Variants in ATP8B4 observed in about 807,000 individuals in gnomAD.
ATP8B4 encodes the protein probable phospholipid-transporting ATPase IM.
A neutral mutation model predicts 145.6 loss-of-function variants in ATP8B4; 133 were observed. That is an observed-to-expected ratio of 0.91 (90% CI 0.79 to 1.05). The LOEUF (loss-of-function observed/expected upper bound fraction) is 1.05, where lower values mean the gene tolerates loss of function less well. Ranked by LOEUF, ATP8B4 falls within the 50% of genes least tolerant of loss-of-function variation. ATP8B4 has a pLI of 0.00. For missense variants in ATP8B4, 1,458 were observed against 1,425.2 expected (o/e 1.02, Z -0.37); for synonymous variants, 507 against 492.9 (o/e 1.03, Z -0.38).
chr15:50,082,578 A>G (rs2054622836), intron 2 of ATP8B4, among the ~76,000 whole-genome samples: 1 of 152,222 alleles, frequency 6.6e-6, no homozygotes, highest in Non-Finnish European at 1.5e-5. Flanking sequence ...TCACAAAGAA[A>G]TGTAAAATTT....
At chr15:49,861,426 C>G (rs8035114) in intron 27 of ATP8B4, among the ~76,000 whole-genome samples, 39,745 of 134,070 alleles carry the variant, frequency 0.3, 6,480 homozygotes, top group Admixed American at 0.39. Context: ...GTGTGTGTGT[C>G]TGTCTGTCTG....
At chr15:50,094,539 T>C (rs1396006333) in intron 2 of ATP8B4, among the ~76,000 whole-genome samples, 2 of 150,444 alleles carry the variant, frequency 1.3e-5, no homozygotes, top group Non-Finnish European at 3.0e-5. Context: ...GACACATACA[T>C]ACATGTATAT....
At chr15:50,059,059 C>T (rs942744393) in intron 3 of ATP8B4, among the ~76,000 whole-genome samples, 6 of 152,036 alleles carry the variant, frequency 3.9e-5, no homozygotes, top group Non-Finnish European at 7.3e-5. Context: ...TTATATCATG[C>T]ACAACGGGTT....
chr15:50,088,841 G>T (rs192452913), intron 2 of ATP8B4, among the ~76,000 whole-genome samples: 1 of 152,312 alleles, frequency 6.6e-6, no homozygotes, highest in East Asian at 1.9e-4. Context: ...TGGATAGATG[G>T]ATGGATGGCT....
chr15:50,090,787 T>C (rs1208211703), intron 2 of ATP8B4, among the ~76,000 whole-genome samples: 1 of 152,174 alleles, frequency 6.6e-6, no homozygotes, highest in East Asian at 1.9e-4. Flanking sequence ...GGGATTTCCC[T>C]GTGTTACCAG....
chr15:49,950,611 C>CAAAAAAAAAAAAAAAAAAAAAAA (rs1316878072), intron 14 of ATP8B4, among the ~76,000 whole-genome samples: 7 of 107,182 alleles, frequency 6.5e-5, no homozygotes, highest in Admixed American at 8.9e-5. Context: ...AACAAACAAA[C>CAAAAAAAAAAAAAAAAAAAAAAA]AAACAAACAA....
At position 50,085,958 on chromosome 15, in the gene ATP8B4, T is replaced by TC. The variant is rs1567331292; in HGVS notation, c.29-11774_29-11773insG. ...ATATTTATATATGATATATATCATA[T>TC]ATATTTATATATGATATATCAAATA... On this transcript the variant is annotated intron_variant, in intron 2 of 27. Coordinates refer to ENST00000284509, the MANE Select transcript of ATP8B4 (RefSeq NM_024837.4). Among the ~76,000 whole-genome samples, 4 of 29,238 alleles carry TC rather than the reference T, an allele frequency of 1.4e-4. 1 individual carries two copies. The highest frequency in any genetic ancestry group is 2.0e-4 in the Non-Finnish European group (4 of 20,092). 19.2% of individuals were successfully genotyped at this position (29,238 alleles called of 152,430 possible).
intron 1 of ATP8B4, among the ~76,000 whole-genome samples, chr15:50,109,347 G>GT (rs2056832566): frequency 6.6e-6 from 1 of 152,126 alleles, no homozygotes; most frequent in Non-Finnish European, 1.5e-5. Context: ...GGACTTTGTT[G>GT]TTTCTTTGTT....
chr15:49,935,359 A>G (rs931973098), intron 14 of ATP8B4, among the ~76,000 whole-genome samples: 3 of 152,104 alleles, frequency 2.0e-5, no homozygotes, highest in Admixed American at 2.0e-4. Context: ...AACCATATAC[A>G]TCCATCAGCC....
chr15:49,871,303 C>G (rs1406983629), intron 25 of ATP8B4, among the ~76,000 whole-genome samples: 1 of 152,146 alleles, frequency 6.6e-6, no homozygotes, highest in Non-Finnish European at 1.5e-5. Context: ...AAGGTTTGTT[C>G]TCATATTTCT....
At chr15:50,112,533 T>C (rs1196415709) in intron 1 of ATP8B4, among the ~76,000 whole-genome samples, 1 of 152,060 alleles carries the variant, frequency 6.6e-6, no homozygotes, top group Non-Finnish European at 1.5e-5. Flanking sequence ...CTCTGTTCCG[T>C]TCGGCTTGCC....
chr15:49,897,954 T>G, intron 22 of ATP8B4, 114 bp downstream of exon 22: 1 of 1,195,624 alleles, frequency 8.4e-7, no homozygotes, highest in South Asian at 1.5e-5. Context: ...TCATTCATTT[T>G]AGAATCACTG....
Position 50,019,314 on chromosome 15 carries a change from TATTG to T in ATP8B4, c.363-8401_363-8398del, listed in dbSNP as rs553266948. ...AGAACCAACCAGCCTTCAGGCAAGA[TATTG>T]ATTGAGACTGGAATTCTCTGCTATG... On this transcript the variant is annotated intron_variant, in intron 6 of 27. Coordinates refer to ENST00000284509, the MANE Select transcript of ATP8B4 (RefSeq NM_024837.4). Among the ~76,000 whole-genome samples the T allele has an allele frequency of 1.4e-4, 22 of 152,300 alleles. No homozygotes were observed. In the East Asian group the frequency reaches 4.0e-3, roughly 28 times the overall value.
chr15:50,027,909 T>A (rs2050135005), intron 6 of ATP8B4, among the ~76,000 whole-genome samples: 1 of 152,216 alleles, frequency 6.6e-6, no homozygotes, highest in Non-Finnish European at 1.5e-5. Flanking sequence ...CTGTATACTG[T>A]TTCACTTGAA....
intron 3 of ATP8B4, among the ~76,000 whole-genome samples, chr15:50,053,722 G>A (rs2052365648): frequency 6.6e-6 from 1 of 152,080 alleles, no homozygotes. Context: ...TGGTGGGGGG[G>A]TGGGGTGAAG....
At chr15:49,983,563 C>T (rs146107861) in intron 10 of ATP8B4, among the ~76,000 whole-genome samples, 35 of 152,264 alleles carry the variant, frequency 2.3e-4, no homozygotes, top group Admixed American at 8.5e-4. Context: ...ATCCACTCTG[C>T]CCCCAAAACT....
At chr15:50,165,933 T>A (rs2044590456) in intron 1 of ATP8B4, among the ~76,000 whole-genome samples, 1 of 147,636 alleles carries the variant, frequency 6.8e-6, no homozygotes, top group Admixed American at 6.8e-5. Flanking sequence ...ATAAAAGATA[T>A]CAAACCATAG....
At chr15:50,083,721 A>G (rs2054708646) in intron 2 of ATP8B4, among the ~76,000 whole-genome samples, 1 of 152,200 alleles carries the variant, frequency 6.6e-6, no homozygotes, top group South Asian at 2.1e-4. Context: ...CTATAAACTG[A>G]GTTTCTTTAA....
intron 6 of ATP8B4, among the ~76,000 whole-genome samples, chr15:50,024,087 C>T (rs909734445): frequency 3.3e-5 from 5 of 152,064 alleles, no homozygotes; most frequent in Admixed American, 6.5e-5. Flanking sequence ...AAAGTAAATT[C>T]CCATAAAAGT....
Sources: allele counts gnomAD v4.1 joint callset (sites outside exome capture counted in the v4.1 genomes callset), GRCh38; gene constraint gnomAD v4.1.1; transcripts MANE v1.5; gene names NCBI Gene and HGNC (gene_info 2026-07-23, HGNC 2026-07-21).